The following HECW1 variants were observed in gnomAD, a reference collection of about 807,000 sequenced individuals.
HECW1 encodes the protein HECT, C2 and WW domain containing E3 ubiquitin protein ligase 1.
Under a neutral mutation model 182.3 loss-of-function variants are expected in HECW1, and 61 were observed. That is an observed-to-expected ratio of 0.33 (90% CI 0.27 to 0.41). HECW1 has a LOEUF of 0.41. Among genes scored for constraint, HECW1 ranks in the 10% least tolerant of loss-of-function variants. HECW1 has a pLI of 1.00. For synonymous variants in HECW1, 859 were observed against 832.6 expected, an observed-to-expected ratio of 1.03 and a Z score of -0.55; for missense variants, 1,739 against 2,108.9, an observed-to-expected ratio of 0.82 and a Z score of 3.44.
intron 2 of HECW1, among the ~76,000 whole-genome samples, chr7:43,189,275 A>G (rs1434278637): frequency 6.6e-6 from 1 of 152,194 alleles, no homozygotes; most frequent in Non-Finnish European, 1.5e-5. Context: ...TGTGCACACA[A>G]ACCACCCAGA....
chr7:43,376,557 A>G (rs1427454096), intron 6 of HECW1, among the ~76,000 whole-genome samples: 1 of 152,106 alleles, frequency 6.6e-6, no homozygotes, highest in Non-Finnish European at 1.5e-5. Context: ...TTAACATTTC[A>G]CTGAAGGATA....
intron 3 of HECW1, among the ~76,000 whole-genome samples, chr7:43,275,341 G>C (rs1262554996): frequency 6.6e-6 from 1 of 152,112 alleles, no homozygotes; most frequent in Non-Finnish European, 1.5e-5. Context: ...ATGCAGCATA[G>C]TATTTGTTGG....
chr7:43,385,551 G>A (rs547208271), intron 6 of HECW1, among the ~76,000 whole-genome samples: 2 of 151,802 alleles, frequency 1.3e-5, no homozygotes, highest in South Asian at 4.2e-4. Context: ...CACCATGGCA[G>A]AGCCGTCCCT....
At chr7:43,477,469 A>G (rs1476821460) in intron 16 of HECW1, among the ~76,000 whole-genome samples, 1 of 152,194 alleles carries the variant, frequency 6.6e-6, no homozygotes, top group African/African-American at 2.4e-5. Context: ...TTTAAAAAGC[A>G]TGTTGATGCA....
At chr7:43,145,338 C>A (rs1257452225) in intron 2 of HECW1, among the ~76,000 whole-genome samples, 1 of 152,152 alleles carries the variant, frequency 6.6e-6, no homozygotes, top group Non-Finnish European at 1.5e-5. Flanking sequence ...CTGTCTTGCC[C>A]AGGCTGGAGT....
intron 2 of HECW1, among the ~76,000 whole-genome samples, chr7:43,154,798 A>G (rs1321862327): frequency 6.6e-6 from 1 of 152,224 alleles, no homozygotes; most frequent in Non-Finnish European, 1.5e-5. Context: ...ATTTTTGCAG[A>G]GTGATGTTTC....
chr7:43,520,335 C>A (rs2080400720), intron 24 of HECW1, among the ~76,000 whole-genome samples: 1 of 152,118 alleles, frequency 6.6e-6, no homozygotes, highest in Non-Finnish European at 1.5e-5. Context: ...GAAATGGAGT[C>A]TGGACTCCTC....
chr7:43,119,329 C>G (rs1466609132), intron 2 of HECW1: 2 of 152,470 alleles, frequency 1.3e-5, no homozygotes, highest in East Asian at 3.8e-4. Flanking sequence ...GGGGACCACT[C>G]TTTTCTTAAG....
intron 8 of HECW1, among the ~76,000 whole-genome samples, chr7:43,409,811 C>T (rs982011557): frequency 6.6e-6 from 1 of 152,184 alleles, no homozygotes; most frequent in South Asian, 2.1e-4. Context: ...CCATTCAACC[C>T]CTAAATTGTA....
At chr7:43,393,369 A>C (rs1043827074) in intron 6 of HECW1, among the ~76,000 whole-genome samples, 4 of 152,148 alleles carry the variant, frequency 2.6e-5, no homozygotes, top group African/African-American at 7.2e-5. Context: ...ACAGTCAATA[A>C]ACTGTAAAGA....
At chr7:43,204,843 T>G (rs943382855) in intron 2 of HECW1, among the ~76,000 whole-genome samples, 5 of 152,134 alleles carry the variant, frequency 3.3e-5, no homozygotes, top group African/African-American at 1.2e-4. Context: ...CCAACTGGAT[T>G]AAGGCCCCGC....
chr7:43,186,918 G>A (rs551098669), intron 2 of HECW1, among the ~76,000 whole-genome samples: 33 of 152,266 alleles, frequency 2.2e-4, no homozygotes, highest in Admixed American at 2.0e-3. Context: ...TTCACACAAC[G>A]ATGCATTTCT....
At chr7:43,113,377 T>C (rs1414846643) in intron 1 of HECW1, among the ~76,000 whole-genome samples, 1 of 150,886 alleles carries the variant, frequency 6.6e-6, no homozygotes, top group Admixed American at 6.6e-5. Flanking sequence ...TTGGGCTCGC[T>C]TTTGAACAAT....
chr7:43,163,676 C>T (rs969605593), intron 2 of HECW1, among the ~76,000 whole-genome samples: 5 of 152,144 alleles, frequency 3.3e-5, no homozygotes, highest in African/African-American at 9.7e-5. Flanking sequence ...GCCCCAGGTT[C>T]GATCAACTAA....
Position 43,243,806 on chromosome 7 carries a change from G to A in HECW1, c.-31-69G>A, listed in dbSNP as rs575191698. The A allele has an allele frequency of 2.5e-6, 3 of 1,176,828 alleles. No homozygotes were observed. The highest frequency in any genetic ancestry group is 1.5e-5 in the African/African-American group (1 of 66,468). 72.9% of individuals were successfully genotyped at this position (1,176,828 alleles called of 1,614,324 possible). A position where few individuals can be genotyped will look rare whatever the true frequency, so the allele number is the denominator to read the frequency against. On this transcript the variant is annotated intron_variant, in intron 2 of 29. Coordinates refer to ENST00000395891, the MANE Select transcript of HECW1 (RefSeq NM_015052.5). This position sits in a 1 kb window ranked among gnomAD's most constrained non-coding sequence, Gnocchi z 4.0. Reference sequence around the variant, plus strand: ...GGGTGGGGGAAACAATGTTGTTTGTGTGGGTAATGTTGCTGATTTTGTTTG... The same window carrying A: ...GGGTGGGGGAAACAATGTTGTTTGTATGGGTAATGTTGCTGATTTTGTTTG...
At chr7:43,528,293 A>G (rs1488085196) in intron 24 of HECW1, among the ~76,000 whole-genome samples, 1 of 152,228 alleles carries the variant, frequency 6.6e-6, no homozygotes, top group Non-Finnish European at 1.5e-5. Context: ...CCAGAGTGGT[A>G]ACATACCTGG....
intron 3 of HECW1, among the ~76,000 whole-genome samples, chr7:43,244,800 A>AAGCCCAC: frequency 6.6e-6 from 1 of 152,344 alleles, no homozygotes; most frequent in South Asian, 2.1e-4. Flanking sequence ...AAGGAAATAA[A>AAGCCCAC]AGCCCACATT....
At chr7:43,417,809 C>G (rs1465030739) in intron 8 of HECW1, among the ~76,000 whole-genome samples, 1 of 152,178 alleles carries the variant, frequency 6.6e-6, no homozygotes, top group African/African-American at 2.4e-5. Context: ...TGTCAGTTTT[C>G]TCTGTCAGAT....
intron 15 of HECW1, among the ~76,000 whole-genome samples, chr7:43,467,452 G>T (rs934332950): frequency 6.6e-6 from 1 of 152,088 alleles, no homozygotes; most frequent in Non-Finnish European, 1.5e-5. Flanking sequence ...GGGAGGAGGG[G>T]CTTGAGATTG....
Sources: gnomAD v4.1 joint callset for allele counts (sites outside exome capture counted in the v4.1 genomes callset) on GRCh38, gnomAD v4.1.1 for gene constraint, Gnocchi (gnomAD v3.1) non-coding constraint, MANE v1.5 for transcripts, NCBI Gene and HGNC (gene_info 2026-07-23, HGNC 2026-07-21) for gene names.